SLC25A53: variants seen among roughly 807,000 people sequenced by gnomAD.
SLC25A53 encodes the protein mitochondrial carrier triple repeat protein 6.
In SLC25A53, 5 loss-of-function variants were observed where a neutral mutation model predicts 15.0. That is an observed-to-expected ratio of 0.33 (90% CI 0.17 to 0.70). The LOEUF (loss-of-function observed/expected upper bound fraction) is 0.70. SLC25A53 is among the 30% of genes least tolerant of loss of function. The probability of loss-of-function intolerance (pLI) is 0.67; values close to 1 mark genes in which losing one functional copy is unlikely to be tolerated. For missense variants in SLC25A53, 216 were observed against 241.6 expected, an observed-to-expected ratio of 0.89 and a Z score of 0.70; for synonymous variants, 95 against 100.0, an observed-to-expected ratio of 0.95 and a Z score of 0.30.
At chrX:104,115,564 T>C (rs1011850714) in intron 1 of SLC25A53, 3 of 305,077 alleles carry the variant, frequency 9.8e-6, no homozygotes, top group African/African-American at 2.7e-5. Context: ...TTGATGACTT[T>C]ATACTTTTTA....
At chrX:104,151,127 G>A in intron 1 of SLC25A53, among the ~76,000 whole-genome samples, 1 of 111,540 alleles carries the variant, frequency 9.0e-6, no homozygotes, top group Non-Finnish European at 1.9e-5. Flanking sequence ...TTAAATATAT[G>A]TGTATATGAG....
chrX:104,152,863 G>A (rs5916732), intron 1 of SLC25A53, among the ~76,000 whole-genome samples: 29,368 of 111,400 alleles, frequency 0.26, 3,419 homozygotes, highest in East Asian at 0.55. Flanking sequence ...ATGTGTGTCT[G>A]AGTGTTTGGT....
At position 104,104,870 on chromosome X, in the gene SLC25A53, C is replaced by T. The variant is rs782749042; in HGVS notation, c.388G>A (p.Val130Met). The T allele has an allele frequency of 6.6e-6, 8 of 1,210,069 alleles. No individual in the cohort carries two copies. Among genetic ancestry groups the T allele is most frequent in the South Asian group, 3.5e-5 (2 of 56,799 alleles). Residue 130 changes from valine to methionine, a missense_variant, in exon 2 of 2, where the codon GTG becomes ATG. Physicochemically the swap from Val to Met is conservative, Grantham distance 21. Coordinates refer to ENST00000594199, the MANE Select transcript of SLC25A53 (RefSeq NM_001012755.5). Reference protein sequence around the residue: ...AGLMSGVVEAVALSPFERVQN... With the variant: ...AGLMSGVVEAMALSPFERVQN... The stretch of plus-strand genomic sequence containing the variant: ...ACCCTTTCAAAGGGGCTGAGTGCCA[C>T]GGCCTCCACCACGCCAGACATGAGC...
chrX:104,110,820 A>G (rs1457937376), intron 1 of SLC25A53, among the ~76,000 whole-genome samples: 1 of 112,332 alleles, frequency 8.9e-6, no homozygotes, highest in Non-Finnish European at 1.9e-5. Flanking sequence ...CCTGTCCTTG[A>G]GCCAGGAAAT....
chrX:104,131,715 C>G (rs1398735084), intron 1 of SLC25A53, among the ~76,000 whole-genome samples: 1 of 111,076 alleles, frequency 9.0e-6, no homozygotes, highest in Non-Finnish European at 1.9e-5. Flanking sequence ...CAGTTCTCTT[C>G]TCACTCTGTA....
At chrX:104,154,966 G>GTA (rs782741693) in intron 1 of SLC25A53, among the ~76,000 whole-genome samples, 3 of 111,461 alleles carry the variant, frequency 2.7e-5, no homozygotes, top group African/African-American at 9.8e-5. Flanking sequence ...ATTCTACATT[G>GTA]TATATATATA....
At chrX:104,107,277 C>A (rs2075316580) in intron 1 of SLC25A53, among the ~76,000 whole-genome samples, 1 of 112,315 alleles carries the variant, frequency 8.9e-6, no homozygotes, top group Non-Finnish European at 1.9e-5. Flanking sequence ...TGTACTCTGC[C>A]CATAACCACC....
At chrX:104,127,901 T>C (rs2075415304) in intron 1 of SLC25A53, among the ~76,000 whole-genome samples, 1 of 111,156 alleles carries the variant, frequency 9.0e-6, no homozygotes, top group Admixed American at 9.6e-5. Flanking sequence ...GAGGTGGAGA[T>C]TGCAGTGAGC....
intron 1 of SLC25A53, among the ~76,000 whole-genome samples, chrX:104,105,494 G>A (rs1556355738): frequency 8.9e-6 from 1 of 112,180 alleles, no homozygotes; most frequent in African/African-American, 3.2e-5. Context: ...CAGTTTTTCT[G>A]GACAGAGCCA....
intron 1 of SLC25A53, among the ~76,000 whole-genome samples, chrX:104,147,755 T>C (rs1315369261): frequency 2.7e-5 from 3 of 111,225 alleles, no homozygotes; most frequent in Non-Finnish European, 3.8e-5. Flanking sequence ...AATGAGATAC[T>C]ATCTCACACC....
In SLC25A53 at chrX:104,099,790, A is replaced by G. The variant is rs2013941273; in HGVS notation, c.*4544T>C. On this transcript the variant is annotated 3_prime_UTR_variant, in exon 2 of 2. Transcript: ENST00000594199. ...GAAGAGTAGGTTATTAAAGGGCTCT[A>G]TTTCTTGCTCTGGCTGGTTATTACA... 1 of 111,706 alleles carries G rather than the reference A, an allele frequency of 9.0e-6. No homozygotes were observed. Among genetic ancestry groups the G allele is most frequent in the African/African-American group, 3.3e-5 (1 of 30,695 alleles). The allele number at this position is 111,706 out of a possible 1,213,427, so 9.2% of individuals were successfully genotyped here.
At chrX:104,155,083 T>C (rs2075496345) in intron 1 of SLC25A53, among the ~76,000 whole-genome samples, 1 of 111,233 alleles carries the variant, frequency 9.0e-6, no homozygotes, top group Non-Finnish European at 1.9e-5. Flanking sequence ...ATAAGTCCAT[T>C]TTATTTCATA....
chrX:104,153,061 C>T (rs898337332), intron 1 of SLC25A53, among the ~76,000 whole-genome samples: 5 of 110,554 alleles, frequency 4.5e-5, no homozygotes, highest in South Asian at 3.9e-4. Context: ...TTAGGGCCAC[C>T]CCCTAAAGGA....
At chrX:104,126,572 T>C (rs782226178) in intron 1 of SLC25A53, among the ~76,000 whole-genome samples, 5 of 110,795 alleles carry the variant, frequency 4.5e-5, no homozygotes. Flanking sequence ...GAGGATTACT[T>C]GAGTCCACAT....
chrX:104,144,649 G>A (rs1556368243), intron 1 of SLC25A53, among the ~76,000 whole-genome samples: 1 of 111,199 alleles, frequency 9.0e-6, no homozygotes, highest in Admixed American at 9.6e-5. Flanking sequence ...CGAGCCTTTG[G>A]GGAAGTCTCA....
rs1181109587 is a variant in SLC25A53 at position 104,146,785 on chromosome X, G to A, written c.-32+10093C>T. 2.7e-5 allele frequency among the ~76,000 whole-genome samples: 3 copies of A among 110,059 alleles called. No homozygotes were observed. The East Asian group carries it at 8.5e-4, about 31-fold the overall frequency. ...TCTTCAAGGAGAACTACAAACCACT[G>A]CTCAAGGAAATAAAAGAGGATACAA... On this transcript the variant is annotated intron_variant, in intron 1 of 1. Coordinates refer to ENST00000594199, the MANE Select transcript of SLC25A53 (RefSeq NM_001012755.5).
At chrX:104,106,593 C>T (rs1212910923) in intron 1 of SLC25A53, among the ~76,000 whole-genome samples, 2 of 111,212 alleles carry the variant, frequency 1.8e-5, no homozygotes, top group African/African-American at 6.6e-5. Flanking sequence ...AAGGTTGGGA[C>T]TCTAATTAAG....
chrX:104,135,795 G>A (rs947059859), intron 1 of SLC25A53, among the ~76,000 whole-genome samples: 2 of 112,075 alleles, frequency 1.8e-5, no homozygotes, highest in Non-Finnish European at 3.8e-5. Context: ...TATCTACTAT[G>A]TACTGGAGCC....
intron 1 of SLC25A53, among the ~76,000 whole-genome samples, chrX:104,148,504 TA>T (rs1408016852): frequency 9.1e-6 from 1 of 109,448 alleles, no homozygotes. Context: ...TATGCAGCCA[TA>T]AAAAAGGATG....
Sources: allele counts gnomAD v4.1 joint callset (sites outside exome capture counted in the v4.1 genomes callset), GRCh38; gene constraint gnomAD v4.1.1; transcripts MANE v1.5; gene names NCBI Gene and HGNC (gene_info 2026-07-23, HGNC 2026-07-21).